SLCO6A1: variants seen among roughly 807,000 people sequenced by gnomAD.
SLCO6A1 encodes the protein cancer/testis antigen 48.
Under a neutral mutation model 72.7 loss-of-function variants are expected in SLCO6A1, and 65 were observed. That is an observed-to-expected ratio of 0.89 (90% CI 0.73 to 1.10). The LOEUF (loss-of-function observed/expected upper bound fraction) is 1.10. SLCO6A1 is among the 50% of genes least tolerant of loss of function. The pLI is 0.00. For missense variants in SLCO6A1, 874 were observed against 872.6 expected, an observed-to-expected ratio of 1.00 and a Z score of -0.02; for synonymous variants, 314 against 298.2, an observed-to-expected ratio of 1.05 and a Z score of -0.55.
At chr5:102,404,363 C>A (rs1005938466) in intron 9 of SLCO6A1, among the ~76,000 whole-genome samples, 4 of 152,176 alleles carry the variant, frequency 2.6e-5, no homozygotes, top group Non-Finnish European at 4.4e-5. Flanking sequence ...GGTGTGGTGA[C>A]AGGCACCTGT....
At chr5:102,413,942 T>C (rs1451974059) in intron 8 of SLCO6A1, among the ~76,000 whole-genome samples, 2 of 152,152 alleles carry the variant, frequency 1.3e-5, no homozygotes, top group African/African-American at 4.8e-5. Flanking sequence ...TTTGCCTATT[T>C]TGTTGGATTG....
chr5:102,498,554 G>C lies in SLCO6A1; in HGVS notation c.291C>G (p.Thr97=), dbSNP rs765372146. ...GAATGTTATTGCAACACTCACAGCA[G>C]GTGCTGACTAAGCAGCCCAAACCAC... ...QPCGLGCLVS[T]CCECCNNIRC... is the part of the protein sequence containing the mutation. Residue 97 remains threonine (T), a synonymous_variant, in exon 1 of 14, where the codon ACC becomes ACG. Coordinates refer to ENST00000506729, the MANE Select transcript of SLCO6A1 (RefSeq NM_173488.5). 108 of 1,614,056 alleles carry C rather than the reference G, an allele frequency of 6.7e-5. No homozygotes were observed. The highest frequency in any genetic ancestry group is 3.4e-6 in the Non-Finnish European group (4 of 1,179,976).
chr5:102,404,175 T>C (rs1433822169), intron 9 of SLCO6A1, among the ~76,000 whole-genome samples: 1 of 152,184 alleles, frequency 6.6e-6, no homozygotes, highest in East Asian at 1.9e-4. Flanking sequence ...TTAAAGGTTG[T>C]TTGATATGTA....
chr5:102,432,344 C>T (rs1483059724), intron 7 of SLCO6A1, among the ~76,000 whole-genome samples: 1 of 152,014 alleles, frequency 6.6e-6, no homozygotes, highest in Non-Finnish European at 1.5e-5. Flanking sequence ...GGTTTGCATA[C>T]TTAAGTGCAT....
At chr5:102,474,855 T>A (rs949064018) in intron 4 of SLCO6A1, among the ~76,000 whole-genome samples, 1 of 151,838 alleles carries the variant, frequency 6.6e-6, no homozygotes, top group African/African-American at 2.4e-5. Context: ...AAAACCACAA[T>A]AAGGTATCAC....
intron 10 of SLCO6A1, among the ~76,000 whole-genome samples, chr5:102,399,274 AT>A (rs11310226): frequency 0.64 from 96,688 of 151,472 alleles, 31,086 homozygotes; most frequent in African/African-American, 0.66. Flanking sequence ...TAAAATTAAT[AT>A]TTTTTTCCTA....
intron 6 of SLCO6A1, among the ~76,000 whole-genome samples, chr5:102,452,224 GA>G (rs1750452445): frequency 6.6e-6 from 1 of 152,304 alleles, no homozygotes; most frequent in African/African-American, 2.4e-5. Flanking sequence ...AAAAGGATAA[GA>G]GGGTTGAGCT....
chr5:102,386,973 C>T (rs1746453542), intron 12 of SLCO6A1, among the ~76,000 whole-genome samples: 1 of 152,160 alleles, frequency 6.6e-6, no homozygotes, highest in Admixed American at 6.5e-5. Flanking sequence ...ACTTCCTACC[C>T]TCTTCAATGT....
At chr5:102,423,953 C>A (rs1205556260) in intron 7 of SLCO6A1, among the ~76,000 whole-genome samples, 1 of 152,140 alleles carries the variant, frequency 6.6e-6, no homozygotes, top group East Asian at 1.9e-4. Context: ...CAAATTAGAT[C>A]TCAGGATTAA....
intron 10 of SLCO6A1, among the ~76,000 whole-genome samples, chr5:102,397,344 T>C (rs1747141752): frequency 1.3e-5 from 2 of 152,192 alleles, no homozygotes. Flanking sequence ...TTTGAACCTA[T>C]AGGTTATCTC....
chr5:102,461,269 A>G (rs1315538937), intron 4 of SLCO6A1, among the ~76,000 whole-genome samples: 3 of 152,050 alleles, frequency 2.0e-5, no homozygotes, highest in African/African-American at 7.2e-5. Flanking sequence ...AATATGTTCA[A>G]TAAAGGAAAT....
At chr5:102,458,710 G>T (rs902582941) in intron 5 of SLCO6A1, among the ~76,000 whole-genome samples, 4 of 152,070 alleles carry the variant, frequency 2.6e-5, no homozygotes, top group African/African-American at 4.8e-5. Context: ...TTCCATATCT[G>T]CCCAGTCCAA....
chr5:102,448,822 G>A lies in SLCO6A1; in HGVS notation c.1131+9560C>T, dbSNP rs534169322. ...ACAGTTAGGTCTTGCTTTATTATCCGACTCGACGGTCTGTGCCTTTTAAGT... is the reference window on the plus strand; with the variant it reads ...ACAGTTAGGTCTTGCTTTATTATCCAACTCGACGGTCTGTGCCTTTTAAGT... On this transcript the variant is annotated intron_variant, in intron 6 of 13. Coordinates refer to ENST00000506729, the MANE Select transcript of SLCO6A1 (RefSeq NM_173488.5). Among the ~76,000 whole-genome samples, 9 of 152,086 alleles carry A rather than the reference G, an allele frequency of 5.9e-5. No homozygotes were observed. In the South Asian group the frequency reaches 1.0e-3, roughly 18 times the overall value.
At chr5:102,468,729 T>C (rs1751437753) in intron 4 of SLCO6A1, among the ~76,000 whole-genome samples, 1 of 152,144 alleles carries the variant, frequency 6.6e-6, no homozygotes, top group Non-Finnish European at 1.5e-5. Flanking sequence ...AGTCCTTATG[T>C]ATTACGTGAG....
intron 6 of SLCO6A1, among the ~76,000 whole-genome samples, chr5:102,440,418 T>C (rs1272070066): frequency 1.3e-5 from 2 of 152,168 alleles, no homozygotes; most frequent in African/African-American, 2.4e-5. Context: ...CATGAGAATC[T>C]AATACCTGTT....
At position 102,399,832 on chromosome 5, in the gene SLCO6A1, G is replaced by T. The variant is rs1051038456; in HGVS notation, c.1627-90C>A. 11 of 833,832 alleles carry T rather than the reference G, an allele frequency of 1.3e-5. No individual in the cohort carries two copies. In the African/African-American group the frequency reaches 1.5e-4, roughly 12 times the overall value. The allele number at this position is 833,832 out of a possible 1,614,324, so 51.7% of individuals were successfully genotyped here. A position where few individuals can be genotyped will look rare whatever the true frequency, so the allele number is the denominator to read the frequency against. ...TAAAATAAAAATTAAATCAATAACTGCAAGGAGACTCATTAGTTTTATTTC... is the reference window on the plus strand; with the variant it reads ...TAAAATAAAAATTAAATCAATAACTTCAAGGAGACTCATTAGTTTTATTTC... On this transcript the variant is annotated intron_variant, in intron 9 of 13. Coordinates refer to ENST00000506729, the MANE Select transcript of SLCO6A1 (RefSeq NM_173488.5).
chr5:102,433,780 C>T (rs1234746473), intron 7 of SLCO6A1, among the ~76,000 whole-genome samples: 1 of 152,114 alleles, frequency 6.6e-6, no homozygotes, highest in African/African-American at 2.4e-5. Flanking sequence ...AGAGTGCATG[C>T]TTTTTGGCTG....
At chr5:102,432,887 C>T (rs1395803779) in intron 7 of SLCO6A1, among the ~76,000 whole-genome samples, 4 of 152,138 alleles carry the variant, frequency 2.6e-5, no homozygotes, top group Admixed American at 6.5e-5. Context: ...TTCCATCCTC[C>T]CTATCTCTTT....
At chr5:102,388,001 G>A (rs1202118308) in intron 12 of SLCO6A1, among the ~76,000 whole-genome samples, 1 of 152,066 alleles carries the variant, frequency 6.6e-6, no homozygotes, top group South Asian at 2.1e-4. Flanking sequence ...ATATTGAAAG[G>A]TTATTGTGTT....
Sources: allele counts gnomAD v4.1 joint callset (sites outside exome capture counted in the v4.1 genomes callset), GRCh38; gene constraint gnomAD v4.1.1; transcripts MANE v1.5; gene names NCBI Gene and HGNC (gene_info 2026-07-23, HGNC 2026-07-21).